Variants in PPEF2 observed in about 807,000 individuals in gnomAD.
PPEF2 encodes the protein protein phosphatase with EF-hand domain 2.
In PPEF2, 84 loss-of-function variants were observed where a neutral mutation model predicts 84.7. That is an observed-to-expected ratio of 0.99 (90% CI 0.83 to 1.19). The LOEUF (loss-of-function observed/expected upper bound fraction) is 1.19. Among genes scored for constraint, PPEF2 ranks in the 50% most tolerant of loss-of-function variants. PPEF2 has a pLI of 0.00. For missense variants in PPEF2, 924 were observed against 937.5 expected (o/e 0.99, Z 0.19); for synonymous variants, 346 against 345.2 (o/e 1.00, Z -0.03).
In PPEF2 at chr4:75,884,651, T is replaced by C. The variant is rs1724675486; in HGVS notation, c.689A>G (p.Tyr230Cys). 1 of 1,613,590 alleles carries C rather than the reference T, an allele frequency of 6.2e-7. No individual in the cohort carries two copies. The highest frequency in any genetic ancestry group is 8.5e-7 in the Non-Finnish European group (1 of 1,179,890). Reference protein sequence around the residue: ...LMILFAFMLVYPKEFHLNRGN... With the variant: ...LMILFAFMLVCPKEFHLNRGN... ...TCTGTTAAGATGGAACTCTTTGGGG[T>C]AAACCAGCATGAAGGCAAAAAGAAT... Residue 230 changes from tyrosine to cysteine, a missense_variant, in exon 8 of 17, where the codon TAC becomes TGC. Tyr to Cys is a radical substitution (Grantham distance 194, BLOSUM62 -2). Transcript: ENST00000286719.
intron 1 of PPEF2, among the ~76,000 whole-genome samples, chr4:75,897,064 A>G (rs535413833): frequency 1.3e-4 from 20 of 152,056 alleles, no homozygotes; most frequent in Non-Finnish European, 2.6e-4. Context: ...TGTGTTAGCC[A>G]GGATGGTCTC....
intron 16 of PPEF2, among the ~76,000 whole-genome samples, chr4:75,861,363 A>G (rs936725454): frequency 1.1e-4 from 16 of 151,808 alleles, no homozygotes. Flanking sequence ...TGGACCCCAT[A>G]CATCTATAGT....
chr4:75,873,811 C>A (rs1465018367), intron 11 of PPEF2, among the ~76,000 whole-genome samples: 1 of 149,406 alleles, frequency 6.7e-6, no homozygotes, highest in African/African-American at 2.5e-5. Context: ...TTTTTTTTTA[C>A]AAATTGCAGA....
intron 7 of PPEF2, among the ~76,000 whole-genome samples, chr4:75,885,623 G>C (rs1724700322): frequency 6.6e-6 from 1 of 152,132 alleles, no homozygotes; most frequent in Non-Finnish European, 1.5e-5. Flanking sequence ...CCAACACTTT[G>C]GGAGCTGAGG....
At position 75,873,122 on chromosome 4, in the gene PPEF2, C is replaced by A. The variant is rs1478629956; in HGVS notation, c.1506+5G>T. The A allele has an allele frequency of 6.2e-6, 10 of 1,611,814 alleles. No individual in the cohort carries two copies. The highest frequency in any genetic ancestry group is 8.5e-6 in the Non-Finnish European group (10 of 1,178,434). The stretch of plus-strand genomic sequence containing the variant: ...AGCCTGTACTGCTGCAGAGGGAGCA[C>A]CCACCTTGCGGTTGTGACAGAATTC... On this transcript the variant is annotated splice_donor_5th_base_variant and intron_variant, in intron 12 of 16. Coordinates refer to ENST00000286719, the MANE Select transcript of PPEF2 (RefSeq NM_006239.3).
At chr4:75,878,428 G>A (rs1560483333) in intron 10 of PPEF2, among the ~76,000 whole-genome samples, 1 of 152,216 alleles carries the variant, frequency 6.6e-6, no homozygotes, top group Non-Finnish European at 1.5e-5. Context: ...AAGGAACTCT[G>A]TGTGAGCACA....
At chr4:75,879,549 A>T (rs952377726) in intron 10 of PPEF2, among the ~76,000 whole-genome samples, 5 of 152,294 alleles carry the variant, frequency 3.3e-5, no homozygotes, top group Admixed American at 1.3e-4. Context: ...CATATGGAAA[A>T]CTTAGTAATT....
At chr4:75,874,032 C>T (rs568415997) in intron 11 of PPEF2, among the ~76,000 whole-genome samples, 3 of 151,872 alleles carry the variant, frequency 2.0e-5, no homozygotes, top group Non-Finnish European at 2.9e-5. Flanking sequence ...CACTGTAACC[C>T]GGAAGAGGGA....
chr4:75,896,896 T>TC (rs1271453316), intron 1 of PPEF2, among the ~76,000 whole-genome samples: 55 of 152,016 alleles, frequency 3.6e-4, no homozygotes, highest in Non-Finnish European at 6.9e-4. Context: ...TTTCTTTCTT[T>TC]TTTGAGACAG....
intron 4 of PPEF2, 89 bp from the exon 5 acceptor site, chr4:75,890,221 TG>T: frequency 1.4e-6 from 2 of 1,443,230 alleles, no homozygotes; most frequent in Non-Finnish European, 1.9e-6. Flanking sequence ...CTGGGCACGG[TG>T]GCTCTCTAAT....
chr4:75,872,234 G>A, intron 12 of PPEF2, 67 bp from the exon 13 acceptor site: 3 of 1,469,490 alleles, frequency 2.0e-6, no homozygotes, highest in Non-Finnish European at 2.8e-6. Flanking sequence ...TCAATCCTAT[G>A]TGGCCCAACT....
At position 75,868,477 on chromosome 4, in the gene PPEF2, T is replaced by TA. The variant is rs546873567; in HGVS notation, c.1650-1059dup. ...ATTAAATCATGTTTGATGAAAATCT[T>TA]ACTGCAATTGAAGGCATTTAACATG... is the stretch of plus-strand genomic sequence containing the variant. On this transcript the variant is annotated intron_variant, in intron 13 of 16. Coordinates refer to ENST00000286719, the MANE Select transcript of PPEF2 (RefSeq NM_006239.3). 6.7e-3 allele frequency among the ~76,000 whole-genome samples: 1,020 copies of TA among 152,238 alleles called. 7 individuals are homozygous for TA. Among genetic ancestry groups the TA allele is most frequent in the Middle Eastern group, 0.017 (5 of 294 alleles).
intron 11 of PPEF2, among the ~76,000 whole-genome samples, chr4:75,875,616 A>G (rs1368986953): frequency 6.6e-6 from 1 of 152,166 alleles, no homozygotes; most frequent in Non-Finnish European, 1.5e-5. Context: ...TCAAAGAAAA[A>G]CAAAAACAAA....
chr4:75,889,812 C>G, intron 5 of PPEF2, 145 bp downstream of exon 5: 2 of 875,482 alleles, frequency 2.3e-6, no homozygotes, highest in Non-Finnish European at 3.6e-6. Context: ...AAGGTCCTGG[C>G]TAAGCACAGC....
intron 1 of PPEF2, among the ~76,000 whole-genome samples, chr4:75,901,529 A>G (rs1725120215): frequency 6.6e-6 from 1 of 152,140 alleles, no homozygotes; most frequent in Non-Finnish European, 1.5e-5. Context: ...TCAAAAAAAA[A>G]AAAAGGAAAT....
chr4:75,876,279 A>C lies in PPEF2; in HGVS notation c.1320+8T>G. The C allele has an allele frequency of 6.3e-7, 1 of 1,585,414 alleles. No individual in the cohort carries two copies. The highest frequency in any genetic ancestry group is 2.2e-5 in the East Asian group (1 of 44,582). On this transcript the variant is annotated splice_region_variant and intron_variant, in intron 11 of 16. Transcript: ENST00000286719. The stretch of plus-strand genomic sequence containing the variant: ...ACATGCTAGGAAGCAGCGCCTGGCC[A>C]CGCTCACCTGCCTCCACTCCTCCTG...
Position 75,864,504 on chromosome 4 carries a change from T to C in PPEF2, c.1944A>G (p.Glu648=). The change falls in exon 16 of 17, where the codon GAA becomes GAG. Residue 648 remains glutamate (E), a synonymous_variant. Coordinates refer to ENST00000286719, the MANE Select transcript of PPEF2 (RefSeq NM_006239.3). The part of the protein sequence containing the change: ...SRENIQSSLL[E]TLYRNRSNLE... ...GGTTGGATCGGTTTCGATACAATGT[T>C]TCCAGCAAACTTGATTGTATGTTCT... 6.2e-7 allele frequency: 1 copy of C among 1,612,996 alleles called. No homozygotes were observed. The highest frequency in any genetic ancestry group is 8.5e-7 in the Non-Finnish European group (1 of 1,178,990).
chr4:75,862,067 G>C (rs1246079541), intron 16 of PPEF2, among the ~76,000 whole-genome samples: 1 of 151,490 alleles, frequency 6.6e-6, no homozygotes, highest in African/African-American at 2.4e-5. Flanking sequence ...GGCAGAGGTG[G>C]GCAGATCACA....
chr4:75,873,888 T>C (rs926169231), intron 11 of PPEF2, among the ~76,000 whole-genome samples: 1 of 151,678 alleles, frequency 6.6e-6, no homozygotes, highest in African/African-American at 2.4e-5. Flanking sequence ...AGGTGGACCA[T>C]TTGAGGTCAG....
Sources: gnomAD v4.1 joint callset for allele counts (sites outside exome capture counted in the v4.1 genomes callset) on GRCh38, gnomAD v4.1.1 for gene constraint, MANE v1.5 for transcripts, NCBI Gene and HGNC (gene_info 2026-07-23, HGNC 2026-07-21) for gene names.